SLC6A11: variants seen among roughly 807,000 people sequenced by gnomAD.
The protein encoded by SLC6A11 is solute carrier family 6 member 11.
Under a neutral mutation model 74.8 loss-of-function variants are expected in SLC6A11, and 25 were observed. The ratio of observed to expected loss-of-function variants is 0.33; its 90% CI spans 0.24 to 0.47. SLC6A11 has a LOEUF of 0.47. SLC6A11 is among the 20% of genes least tolerant of loss of function. SLC6A11 has a pLI of 1.00. For synonymous variants in SLC6A11, 330 were observed against 330.2 expected (o/e 1.00, Z 0.01); for missense variants, 574 against 837.0 (o/e 0.69, Z 3.88).
At chr3:10,839,299 G>A (rs1460642887) in intron 4 of SLC6A11, among the ~76,000 whole-genome samples, 1 of 152,124 alleles carries the variant, frequency 6.6e-6, no homozygotes, top group Non-Finnish European at 1.5e-5. Context: ...TCCTGAAGGA[G>A]CCACGTGACT....
At chr3:10,904,596 C>G (rs1171259771) in intron 6 of SLC6A11, among the ~76,000 whole-genome samples, 1 of 152,190 alleles carries the variant, frequency 6.6e-6, no homozygotes, top group African/African-American at 2.4e-5. Context: ...AAATAGGAAG[C>G]CCTTTCTCTG....
intron 7 of SLC6A11, among the ~76,000 whole-genome samples, chr3:10,914,126 T>C (rs1231636688): frequency 6.6e-6 from 1 of 152,214 alleles, no homozygotes; most frequent in Non-Finnish European, 1.5e-5. Flanking sequence ...TGGGTCATCA[T>C]GTGGCTCGAG....
At chr3:10,874,769 A>G (rs1313620928) in intron 5 of SLC6A11, among the ~76,000 whole-genome samples, 192 bp from the exon 6 acceptor site, 1 of 152,072 alleles carries the variant, frequency 6.6e-6, no homozygotes, top group Non-Finnish European at 1.5e-5. Flanking sequence ...GTCATGCAGT[A>G]TTTGTCCTTC....
At position 10,863,442 on chromosome 3, in the gene SLC6A11, T is replaced by C. The variant is rs1036346048; in HGVS notation, c.757-11519T>C. On this transcript the variant is annotated intron_variant, in intron 5 of 13. Coordinates refer to ENST00000254488, the MANE Select transcript of SLC6A11 (RefSeq NM_014229.3). ...CTGCTGCATTGCTATCCCCATTTTA[T>C]AGAAGAGAATATCAAGACCTAGAAA... 3.9e-5 allele frequency among the ~76,000 whole-genome samples: 6 copies of C among 152,328 alleles called. No homozygotes were observed. The East Asian group carries it at 1.2e-3, about 29-fold the overall frequency.
intron 4 of SLC6A11, 145 bp downstream of exon 4, chr3:10,823,537 G>A (rs973492108): frequency 3.6e-5 from 23 of 630,764 alleles, no homozygotes; most frequent in East Asian, 1.9e-4. Context: ...CGACAGCTTC[G>A]GAAGCAAGAG....
intron 4 of SLC6A11, among the ~76,000 whole-genome samples, chr3:10,828,954 T>A (rs955807012): frequency 1.2e-4 from 19 of 152,370 alleles, no homozygotes; most frequent in African/African-American, 4.6e-4. Context: ...AATAAATATT[T>A]GTTGAAATGA....
At chr3:10,922,419 G>A (rs992841329) in intron 8 of SLC6A11, among the ~76,000 whole-genome samples, 6 of 152,170 alleles carry the variant, frequency 3.9e-5, no homozygotes, top group African/African-American at 4.8e-5. Context: ...AATGGTGTGT[G>A]TGTGTAAAAG....
intron 13 of SLC6A11, among the ~76,000 whole-genome samples, chr3:10,937,151 C>G (rs1175660427): frequency 1.3e-5 from 2 of 152,234 alleles, no homozygotes; most frequent in Admixed American, 6.5e-5. Context: ...ACATGGTGGC[C>G]GCTCAACTAA....
intron 6 of SLC6A11, among the ~76,000 whole-genome samples, chr3:10,877,078 T>A (rs1299253160): frequency 6.6e-6 from 1 of 152,190 alleles, no homozygotes; most frequent in Non-Finnish European, 1.5e-5. Context: ...GCTGGCAAAC[T>A]ATGGCCTTCA....
intron 5 of SLC6A11, among the ~76,000 whole-genome samples, chr3:10,849,493 A>T (rs558503358): frequency 6.6e-6 from 1 of 152,298 alleles, no homozygotes; most frequent in South Asian, 2.1e-4. Context: ...GTTTTTGTTT[A>T]AAAAGAAAAA....
intron 6 of SLC6A11, among the ~76,000 whole-genome samples, chr3:10,895,912 C>T (rs1207490721): frequency 6.6e-6 from 1 of 152,240 alleles, no homozygotes; most frequent in African/African-American, 2.4e-5. Context: ...GTCGTCTTTG[C>T]ATGTGCAGGT....
intron 7 of SLC6A11, among the ~76,000 whole-genome samples, chr3:10,917,873 G>A (rs1037449636): frequency 2.6e-5 from 4 of 152,246 alleles, no homozygotes; most frequent in South Asian, 2.1e-4. Context: ...GGAGGCTGCC[G>A]GAGCTTCAGG....
chr3:10,842,651 A>G (rs1694452539), intron 4 of SLC6A11, among the ~76,000 whole-genome samples: 1 of 152,092 alleles, frequency 6.6e-6, no homozygotes, highest in Non-Finnish European at 1.5e-5. Context: ...CCTAGTAGAG[A>G]GCAAGGGCCA....
rs561527965 is a variant in SLC6A11, at chr3:10,922,482, G to T, written c.1121-3522G>T. 2.0e-5 allele frequency among the ~76,000 whole-genome samples: 3 copies of T among 152,168 alleles called. No homozygotes were observed. In the South Asian group the frequency reaches 6.2e-4, roughly 32 times the overall value. ...CCTACCCATTATGTGAAAAAAGAAG[G>T]GGAGAAGAGAAAATATGTCTACTCA... On this transcript the variant is annotated intron_variant, in intron 8 of 13. Transcript: ENST00000254488.
intron 6 of SLC6A11, among the ~76,000 whole-genome samples, chr3:10,880,351 A>C (rs541662142): frequency 6.6e-6 from 1 of 152,316 alleles, no homozygotes; most frequent in South Asian, 2.1e-4. Flanking sequence ...TGCACCACGA[A>C]GAAAAGTTCC....
Position 10,816,235 on chromosome 3 carries a change from C to T in SLC6A11, c.-31C>T, listed in dbSNP as rs776176993. On this transcript the variant is annotated 5_prime_UTR_variant, in exon 1 of 14. Transcript: ENST00000254488. This position sits in a 1 kb window ranked among gnomAD's most constrained non-coding sequence, Gnocchi z 4.2. ...CTCGCCCGGGGCGGCGGCGCAGAGC[C>T]GGGCCGGCGCACGAGGCAGCCAGCG... 2 of 1,284,292 alleles carry T rather than the reference C, an allele frequency of 1.6e-6. No individual in the cohort carries two copies. Among genetic ancestry groups the T allele is most frequent in the East Asian group, 3.3e-5 (1 of 29,976 alleles). 79.6% of individuals were successfully genotyped at this position (1,284,292 alleles called of 1,614,324 possible). A position where few individuals can be genotyped will look rare whatever the true frequency, so the allele number is the denominator to read the frequency against.
intron 4 of SLC6A11, among the ~76,000 whole-genome samples, chr3:10,835,202 C>T (rs1183001520): frequency 6.6e-6 from 1 of 152,180 alleles, no homozygotes; most frequent in Non-Finnish European, 1.5e-5. Context: ...AGATTTGCTT[C>T]CCCTCGGGCA....
chr3:10,882,786 C>T (rs1374076119), intron 6 of SLC6A11, among the ~76,000 whole-genome samples: 1 of 152,158 alleles, frequency 6.6e-6, no homozygotes, highest in Non-Finnish European at 1.5e-5. Context: ...CTGCCACTGG[C>T]CAGATGGTGA....
intron 7 of SLC6A11, among the ~76,000 whole-genome samples, chr3:10,913,351 A>G (rs1363884933): frequency 2.6e-5 from 4 of 152,210 alleles, no homozygotes; most frequent in Non-Finnish European, 5.9e-5. Flanking sequence ...AAGAAACACA[A>G]AAACTATTCA....
Sources: gnomAD v4.1 joint callset for allele counts (sites outside exome capture counted in the v4.1 genomes callset) on GRCh38, gnomAD v4.1.1 for gene constraint, Gnocchi (gnomAD v3.1) non-coding constraint, MANE v1.5 for transcripts, NCBI Gene and HGNC (gene_info 2026-07-23, HGNC 2026-07-21) for gene names.